The following HMGCLL1 variants were observed in gnomAD, a reference collection of about 807,000 sequenced individuals.
The protein encoded by HMGCLL1 is 3-hydroxymethyl-3-methylglutaryl-CoA lyase, cytoplasmic.
Under a neutral mutation model 39.1 loss-of-function variants are expected in HMGCLL1, and 36 were observed. The ratio of observed to expected loss-of-function variants is 0.92; its 90% CI spans 0.71 to 1.22. HMGCLL1 has a LOEUF of 1.22. Ranked by LOEUF, HMGCLL1 falls within the 50% of genes most tolerant of loss-of-function variation. HMGCLL1 has a pLI of 0.00. For synonymous variants in HMGCLL1, 149 were observed against 144.0 expected (o/e 1.03, Z -0.25); for missense variants, 451 against 416.5 (o/e 1.08, Z -0.72).
chr6:55,583,951 T>A (rs2127482919), upstream of HMGCLL1, among the ~76,000 whole-genome samples: 1 of 152,240 alleles, frequency 6.6e-6, no homozygotes, highest in African/African-American at 2.4e-5. Flanking sequence ...CAGGTGACCT[T>A]TTTTTCATCT....
rs1034208585 is a variant in HMGCLL1 at position 55,500,714 on chromosome 6, G to A, written c.543-1415C>T. ...CACTATAATCTAAGTTTATGCTTTAGATAATCTGTACATTTAATCAAGATG... is the reference window on the plus strand; with the variant it reads ...CACTATAATCTAAGTTTATGCTTTAAATAATCTGTACATTTAATCAAGATG... On this transcript the variant is annotated intron_variant, in intron 5 of 8. Transcript: ENST00000274901. 7.8e-4 allele frequency among the ~76,000 whole-genome samples: 118 copies of A among 152,062 alleles called. No individual in the cohort carries two copies. The Middle Eastern group carries it at 0.01, about 13-fold the overall frequency.
chr6:55,624,353 G>A, the HMGCLL1 span, among the ~76,000 whole-genome samples: 2 of 152,130 alleles, frequency 1.3e-5, no homozygotes, highest in Non-Finnish European at 2.9e-5. Context: ...CATTGCTTGA[G>A]CAAATTAACA....
chr6:55,457,186 A>G (rs1484388093), intron 7 of HMGCLL1, among the ~76,000 whole-genome samples: 1 of 152,198 alleles, frequency 6.6e-6, no homozygotes, highest in Non-Finnish European at 1.5e-5. Flanking sequence ...CCAAACTCTT[A>G]TCAAAGGCAG....
the HMGCLL1 span, among the ~76,000 whole-genome samples, chr6:55,621,984 C>CT: frequency 6.6e-6 from 1 of 151,768 alleles, no homozygotes; most frequent in African/African-American, 2.4e-5. Context: ...TTATAGAGAA[C>CT]TTTCTCTTCT....
At chr6:55,666,727 C>T in the HMGCLL1 span, among the ~76,000 whole-genome samples, 1 of 151,478 alleles carries the variant, frequency 6.6e-6, no homozygotes, top group South Asian at 2.1e-4. Context: ...TGATTTATAC[C>T]AAAAGGAAAC....
chr6:55,579,185 T>C lies in HMGCLL1; in HGVS notation c.-130A>G. 1 of 704,584 alleles carries C rather than the reference T, an allele frequency of 1.4e-6. No individual in the cohort carries two copies. The highest frequency in any genetic ancestry group is 1.7e-5 in the South Asian group (1 of 59,548). The allele number at this position is 704,584 out of a possible 1,614,324, so 43.6% of individuals were successfully genotyped here. A position where few individuals can be genotyped will look rare whatever the true frequency, so the allele number is the denominator to read the frequency against. On this transcript the variant is annotated 5_prime_UTR_variant, in exon 1 of 9. Coordinates refer to ENST00000274901, the MANE Select transcript of HMGCLL1 (RefSeq NM_001042406.2). ...GTGCACTGGCTGTGAGGACCAGAGC[T>C]GTTCTGCGCACTGCGGCGGCGCCGA...
intron 7 of HMGCLL1, among the ~76,000 whole-genome samples, chr6:55,466,261 A>T (rs751476255): frequency 6.6e-6 from 1 of 151,994 alleles, no homozygotes; most frequent in Non-Finnish European, 1.5e-5. Flanking sequence ...AGGAAGCTTG[A>T]AGAGAGATGA....
chr6:55,482,368 C>T (rs1379078320), intron 7 of HMGCLL1, among the ~76,000 whole-genome samples: 1 of 151,990 alleles, frequency 6.6e-6, no homozygotes, highest in Non-Finnish European at 1.5e-5. Context: ...AAATAGTCTT[C>T]CTTCTTTTTA....
intron 7 of HMGCLL1, among the ~76,000 whole-genome samples, chr6:55,475,147 T>C (rs1057486159): frequency 4.6e-5 from 7 of 151,620 alleles, no homozygotes; most frequent in Non-Finnish European, 1.0e-4. Context: ...TGGAGAATGA[T>C]GAATACCCTT....
intron 3 of HMGCLL1, among the ~76,000 whole-genome samples, chr6:55,541,414 T>C (rs1227489334): frequency 6.6e-6 from 1 of 152,114 alleles, no homozygotes. Context: ...CTAATGCATT[T>C]GGAGATGTTC....
chr6:55,477,330 T>G lies in HMGCLL1; in HGVS notation c.795+18089A>C, dbSNP rs868421243. On this transcript the variant is annotated intron_variant, in intron 7 of 8. Coordinates refer to ENST00000274901, the MANE Select transcript of HMGCLL1 (RefSeq NM_001042406.2). ...TATATATATAATATATATTATATTA[T>G]ATAATATATATTATATTTAGATAAT... Among the ~76,000 whole-genome samples, 44 of 25,096 alleles carry G rather than the reference T, an allele frequency of 1.8e-3. 1 individual carries two copies. Among genetic ancestry groups the G allele is most frequent in the South Asian group, 5.9e-3 (5 of 848 alleles). The allele number at this position is 25,096 out of a possible 152,430, so 16.5% of individuals were successfully genotyped here. A position where few individuals can be genotyped will look rare whatever the true frequency, so the allele number is the denominator to read the frequency against.
intron 7 of HMGCLL1, among the ~76,000 whole-genome samples, chr6:55,441,403 A>C (rs953164643): frequency 1.1e-4 from 16 of 152,148 alleles, no homozygotes; most frequent in African/African-American, 3.9e-4. Flanking sequence ...GCTTAGGAGA[A>C]GTTTTAGAAA....
intron 7 of HMGCLL1, among the ~76,000 whole-genome samples, chr6:55,490,497 T>C (rs1249413357): frequency 6.6e-6 from 1 of 152,120 alleles, no homozygotes; most frequent in Non-Finnish European, 1.5e-5. Context: ...TACTTGCCCA[T>C]TTGATCAGCA....
chr6:55,578,209 A>G (rs1771850507), intron 1 of HMGCLL1, among the ~76,000 whole-genome samples: 1 of 152,208 alleles, frequency 6.6e-6, no homozygotes, highest in Non-Finnish European at 1.5e-5. Flanking sequence ...ACATTTTCAT[A>G]ACAATTATCA....
chr6:55,503,356 T>C (rs2127429493), intron 5 of HMGCLL1, among the ~76,000 whole-genome samples: 1 of 151,926 alleles, frequency 6.6e-6, no homozygotes, highest in Admixed American at 6.6e-5. Context: ...TTGAATTTTT[T>C]CCCATGTAGA....
chr6:55,448,634 G>A (rs1363874048), intron 7 of HMGCLL1, among the ~76,000 whole-genome samples: 1 of 151,930 alleles, frequency 6.6e-6, no homozygotes, highest in African/African-American at 2.4e-5. Context: ...TTCAAATTCT[G>A]TAGATGATTC....
intron 7 of HMGCLL1, among the ~76,000 whole-genome samples, chr6:55,441,093 CTG>C (rs1763577653): frequency 2.0e-5 from 3 of 150,926 alleles, no homozygotes; most frequent in African/African-American, 4.8e-5. Context: ...GAGAGAGAGA[CTG>C]TGCTGAAATC....
chr6:55,635,880 G>A, the HMGCLL1 span, among the ~76,000 whole-genome samples: 3 of 152,242 alleles, frequency 2.0e-5, no homozygotes, highest in Non-Finnish European at 1.5e-5. Flanking sequence ...AAAGTTCTGG[G>A]CACTTGGTAG....
the HMGCLL1 span, among the ~76,000 whole-genome samples, chr6:55,647,863 C>T: frequency 5.8e-5 from 7 of 121,044 alleles, no homozygotes; most frequent in South Asian, 2.9e-4. Flanking sequence ...TGGTGCGCTG[C>T]ACCCACTAAT....
Sources: allele counts gnomAD v4.1 joint callset (sites outside exome capture counted in the v4.1 genomes callset), GRCh38; gene constraint gnomAD v4.1.1; transcripts MANE v1.5; gene names NCBI Gene and HGNC (gene_info 2026-07-23, HGNC 2026-07-21).